ARHGAP18: variants seen among roughly 807,000 people sequenced by gnomAD.
The protein encoded by ARHGAP18 is rho GTPase-activating protein 18.
A neutral mutation model predicts 86.2 loss-of-function variants in ARHGAP18; 67 were observed. That is an observed-to-expected ratio of 0.78 (90% CI 0.64 to 0.95). ARHGAP18 has a LOEUF of 0.95. ARHGAP18 is among the 40% of genes least tolerant of loss of function. The pLI, the probability that ARHGAP18 is intolerant of heterozygous loss-of-function variation, is 0.00. For synonymous variants in ARHGAP18, 283 were observed against 280.4 expected (o/e 1.01, Z -0.09); for missense variants, 691 against 780.4 (o/e 0.89, Z 1.37).
chr6:129,681,134 G>A (rs960058278), intron 1 of ARHGAP18, among the ~76,000 whole-genome samples: 7 of 152,216 alleles, frequency 4.6e-5, no homozygotes, highest in Admixed American at 3.9e-4. Context: ...CTGGAGTGCA[G>A]TAGCACAATC....
chr6:129,707,233 C>T (rs1774815749), intron 1 of ARHGAP18, among the ~76,000 whole-genome samples: 1 of 147,246 alleles, frequency 6.8e-6, no homozygotes, highest in Non-Finnish European at 1.5e-5. Context: ...AACTCCATCT[C>T]GAAAAAAAAA....
intron 1 of ARHGAP18, among the ~76,000 whole-genome samples, chr6:129,662,497 C>T (rs1003781321): frequency 3.9e-5 from 6 of 152,326 alleles, no homozygotes; most frequent in East Asian, 1.9e-4. Context: ...CACATTAGCC[C>T]GTGAACACTA....
intron 4 of ARHGAP18, among the ~76,000 whole-genome samples, chr6:129,632,687 T>C (rs898746649): frequency 5.9e-5 from 9 of 152,112 alleles, no homozygotes; most frequent in African/African-American, 2.2e-4. Flanking sequence ...TGCATACAAC[T>C]GAAGAAACAT....
chr6:129,633,461 C>T (rs1773261977), intron 4 of ARHGAP18, among the ~76,000 whole-genome samples: 3 of 148,244 alleles, frequency 2.0e-5, no homozygotes, highest in Non-Finnish European at 4.5e-5. Context: ...AAGTTACTTT[C>T]TTCCATACCT....
chr6:129,592,097 A>C (rs573819269), intron 12 of ARHGAP18, among the ~76,000 whole-genome samples: 57 of 150,968 alleles, frequency 3.8e-4, no homozygotes, highest in African/African-American at 1.3e-3. Context: ...CATAAGTTCT[A>C]ATATTTTTTT....
intron 1 of ARHGAP18, among the ~76,000 whole-genome samples, chr6:129,676,910 GTCCTCT>G (rs1774241852): frequency 3.2e-5 from 1 of 31,708 alleles, no homozygotes; most frequent in African/African-American, 8.3e-5. Context: ...AAAATTTTTT[GTCCTCT>G]TTTTTTTTTT....
intron 1 of ARHGAP18, among the ~76,000 whole-genome samples, chr6:129,688,743 G>C (rs1162679193): frequency 6.6e-6 from 1 of 151,588 alleles, no homozygotes; most frequent in Non-Finnish European, 1.5e-5. Context: ...AGTGAGCCGA[G>C]ATCGCACCAT....
chr6:129,698,895 G>A (rs1324069108), intron 1 of ARHGAP18, among the ~76,000 whole-genome samples: 3 of 151,992 alleles, frequency 2.0e-5, no homozygotes, highest in African/African-American at 4.8e-5. Flanking sequence ...GTTTCGCCAC[G>A]TTGGCCAGGC....
chr6:129,590,905 G>C (rs1788495623), intron 12 of ARHGAP18, among the ~76,000 whole-genome samples: 1 of 152,152 alleles, frequency 6.6e-6, no homozygotes, highest in African/African-American at 2.4e-5. Flanking sequence ...CAGAGATTGA[G>C]AGTTTGACTC....
At chr6:129,671,785 GCC>G in intron 1 of ARHGAP18, among the ~76,000 whole-genome samples, 1 of 152,314 alleles carries the variant, frequency 6.6e-6, no homozygotes, top group East Asian at 1.9e-4. Context: ...TCTCAGGAAT[GCC>G]AAATAGGTCA....
intron 5 of ARHGAP18, among the ~76,000 whole-genome samples, chr6:129,623,144 A>C (rs1015329482): frequency 6.6e-6 from 1 of 152,012 alleles, no homozygotes; most frequent in Non-Finnish European, 1.5e-5. Context: ...TAGGATTTGC[A>C]TGAGGGGCCC....
At chr6:129,701,633 A>C (rs1161518561) in intron 1 of ARHGAP18, among the ~76,000 whole-genome samples, 1 of 152,052 alleles carries the variant, frequency 6.6e-6, no homozygotes. Context: ...AGCCAGGCGT[A>C]GTGGCAGGTG....
At chr6:129,681,008 T>C (rs1774315229) in intron 1 of ARHGAP18, among the ~76,000 whole-genome samples, 1 of 152,226 alleles carries the variant, frequency 6.6e-6, no homozygotes. Flanking sequence ...TTCTCTAGTT[T>C]CCTGGACATG....
At chr6:129,606,984 C>T (rs1296067284) in intron 9 of ARHGAP18, among the ~76,000 whole-genome samples, 2 of 152,044 alleles carry the variant, frequency 1.3e-5, no homozygotes, top group Middle Eastern at 3.4e-3. Context: ...CTCAGCCTCC[C>T]GGATAGCAGG....
chr6:129,580,200 C>T, intron 13 of ARHGAP18, 69 bp from the exon 14 acceptor site: 1 of 1,364,206 alleles, frequency 7.3e-7, no homozygotes, highest in Middle Eastern at 1.8e-4. Context: ...CTTTAACGTG[C>T]TTGGGGAATT....
chr6:129,702,809 G>A (rs1246561118), intron 1 of ARHGAP18, among the ~76,000 whole-genome samples: 3 of 152,222 alleles, frequency 2.0e-5, no homozygotes, highest in Admixed American at 6.5e-5. Flanking sequence ...AGACCAGCCT[G>A]GCCAACATGG....
At chr6:129,671,445 C>A (rs1270082342) in intron 1 of ARHGAP18, among the ~76,000 whole-genome samples, 1 of 152,132 alleles carries the variant, frequency 6.6e-6, no homozygotes, top group African/African-American at 2.4e-5. Flanking sequence ...ATGCCTATAA[C>A]CTCAGTGCTT....
chr6:129,655,345 A>C (rs1773810645), intron 1 of ARHGAP18, among the ~76,000 whole-genome samples: 1 of 148,346 alleles, frequency 6.7e-6, no homozygotes, highest in African/African-American at 2.5e-5. Flanking sequence ...AAAAAAAGAA[A>C]AGAAAAGAAA....
chr6:129,644,562 T>A lies in ARHGAP18; in HGVS notation c.114-2544A>T, dbSNP rs184372743. Among the ~76,000 whole-genome samples the A allele has an allele frequency of 1.4e-3, 220 of 152,294 alleles. 1 individual carries two copies. Among genetic ancestry groups the A allele is most frequent in the Admixed American group, 3.1e-3 (47 of 15,302 alleles). On this transcript the variant is annotated intron_variant, in intron 1 of 14. Coordinates refer to ENST00000368149, the MANE Select transcript of ARHGAP18 (RefSeq NM_033515.3). ...TCCTTTTGTTTTCTCTCTCATAGTG[T>A]GAAATTGACCACCTTACTTCTGTCT...
Sources: allele counts gnomAD v4.1 joint callset (sites outside exome capture counted in the v4.1 genomes callset), GRCh38; gene constraint gnomAD v4.1.1; transcripts MANE v1.5; gene names NCBI Gene and HGNC (gene_info 2026-07-23, HGNC 2026-07-21).